The following PACS1 variants were observed in gnomAD, a reference collection of about 807,000 sequenced individuals.
The protein encoded by PACS1 is PACS-1.
PACS1 carries 24 observed loss-of-function variants against 115.0 expected under a neutral mutation model. The observed-to-expected ratio is 0.21, with a 90% confidence interval of 0.15 to 0.29. The LOEUF (loss-of-function observed/expected upper bound fraction) is 0.29. Ranked by LOEUF, PACS1 falls within the 10% of genes least tolerant of loss-of-function variation. The pLI is 1.00. For missense variants in PACS1, 838 were observed against 1,251.2 expected (o/e 0.67, Z 4.98); for synonymous variants, 453 against 504.5 (o/e 0.90, Z 1.37).
chr11:66,075,681 T>C (rs578242717), intron 1 of PACS1, among the ~76,000 whole-genome samples: 1 of 152,230 alleles, frequency 6.6e-6, no homozygotes, highest in East Asian at 1.9e-4. Context: ...GTAAATGTAA[T>C]TGATCAAATA....
intron 1 of PACS1, among the ~76,000 whole-genome samples, chr11:66,129,455 A>ATATTATTATTATTATTAT (rs71455707): frequency 1.4e-5 from 2 of 140,394 alleles, no homozygotes; most frequent in East Asian, 2.0e-4. Flanking sequence ...GGTTTAAAAA[A>ATATTATTATTATTATTAT]TATTATTATT....
At chr11:66,168,775 T>G (rs192007872) in intron 1 of PACS1, among the ~76,000 whole-genome samples, 47 of 150,330 alleles carry the variant, frequency 3.1e-4, no homozygotes, top group Non-Finnish European at 6.2e-4. Flanking sequence ...TGTGTGTGTG[T>G]GTGTATACAT....
At chr11:66,096,502 A>ATT (rs200631152) in intron 1 of PACS1, among the ~76,000 whole-genome samples, 9 of 136,900 alleles carry the variant, frequency 6.6e-5, no homozygotes, top group African/African-American at 1.4e-4. Context: ...GTTGCTATGA[A>ATT]TTTTTTTTTT....
chr11:66,230,760 G>A, intron 12 of PACS1, 45 bp from the exon 13 acceptor site: 1 of 1,613,680 alleles, frequency 6.2e-7, no homozygotes, highest in Non-Finnish European at 8.5e-7. Flanking sequence ...GCAGCTTTGG[G>A]GTTGGAGGGG....
At chr11:66,087,242 T>TG (rs1376369212) in intron 1 of PACS1, among the ~76,000 whole-genome samples, 4 of 151,194 alleles carry the variant, frequency 2.6e-5, no homozygotes, top group African/African-American at 7.3e-5. Flanking sequence ...TTGTTTTTTT[T>TG]TTTTGTTTTT....
chr11:66,153,677 G>C (rs1202771472), intron 1 of PACS1, among the ~76,000 whole-genome samples: 1 of 151,976 alleles, frequency 6.6e-6, no homozygotes, highest in Non-Finnish European at 1.5e-5. Flanking sequence ...GCTACTCTGG[G>C]GGCTGAGGCA....
chr11:66,131,271 A>G (rs1858696895), intron 1 of PACS1, among the ~76,000 whole-genome samples: 6 of 152,138 alleles, frequency 3.9e-5, no homozygotes, highest in Admixed American at 3.9e-4. Context: ...TTAGTATTTG[A>G]CTTTAAAACT....
intron 1 of PACS1, among the ~76,000 whole-genome samples, chr11:66,115,779 T>C (rs1254047063): frequency 6.6e-6 from 1 of 152,178 alleles, no homozygotes; most frequent in Non-Finnish European, 1.5e-5. Flanking sequence ...AACCTCACCT[T>C]CCCTCCTCCC....
chr11:66,078,440 A>G (rs1470699766), intron 1 of PACS1, among the ~76,000 whole-genome samples: 1 of 152,134 alleles, frequency 6.6e-6, no homozygotes, highest in East Asian at 1.9e-4. Flanking sequence ...TTCTTTCTAA[A>G]CTAGTTTTCC....
At chr11:66,211,109 C>G in intron 3 of PACS1, 25 bp from the exon 4 acceptor site, 2 of 1,612,212 alleles carry the variant, frequency 1.2e-6, no homozygotes, top group Non-Finnish European at 8.5e-7. Context: ...ATTAACCACG[C>G]TCGACTCTGT....
chr11:66,091,009 C>T (rs1363607111), intron 1 of PACS1, among the ~76,000 whole-genome samples: 1 of 152,062 alleles, frequency 6.6e-6, no homozygotes, highest in East Asian at 1.9e-4. Context: ...ATTTCTCCAC[C>T]CCAGTAAATC....
Position 66,216,426 on chromosome 11 carries a change from T to C in PACS1, c.806-94T>C, listed in dbSNP as rs571364897. ...CCCTCCCCTCCACCCTGGCTGTGTT[T>C]CCACCCAAAGAGAACCATTGATTCC... On this transcript the variant is annotated intron_variant, in intron 5 of 23. Transcript: ENST00000320580. 5.6e-4 allele frequency: 810 copies of C among 1,434,820 alleles called. 1 individual carries two copies. Among genetic ancestry groups the C allele is most frequent in the Admixed American group, 8.6e-4 (50 of 58,336 alleles). The allele number at this position is 1,434,820 out of a possible 1,614,324, so 88.9% of individuals were successfully genotyped here.
chr11:66,188,159 A>ATTTTTTTTTTTTTTTTTT (rs71461607), intron 1 of PACS1, among the ~76,000 whole-genome samples: 1 of 94,890 alleles, frequency 1.1e-5, no homozygotes, highest in African/African-American at 3.9e-5. Flanking sequence ...TTTTAATCGG[A>ATTTTTTTTTTTTTTTTTT]TTTTTTTTTT....
rs1486450241 is a variant in PACS1 at position 66,115,919 on chromosome 11, C to A, written c.356+45077C>A. Among the ~76,000 whole-genome samples the A allele has an allele frequency of 1.3e-5, 2 of 152,186 alleles. 1 individual carries two copies. Among genetic ancestry groups the A allele is most frequent in the Middle Eastern group, 6.3e-3 (2 of 316 alleles). ...AGTTATCTTGACTTTAAGCTTTCTTCCTCTTAGACAAATAATATAGGCAGC... is the reference window on the plus strand; with the variant it reads ...AGTTATCTTGACTTTAAGCTTTCTTACTCTTAGACAAATAATATAGGCAGC... On this transcript the variant is annotated intron_variant, in intron 1 of 23. Transcript: ENST00000320580.
intron 1 of PACS1, among the ~76,000 whole-genome samples, chr11:66,188,053 C>G (rs1439478156): frequency 6.6e-6 from 1 of 151,810 alleles, no homozygotes; most frequent in Non-Finnish European, 1.5e-5. Flanking sequence ...TTGCGTTTCC[C>G]TGATGATTAG....
chr11:66,170,631 T>G (rs1038336136), intron 1 of PACS1, among the ~76,000 whole-genome samples: 2 of 150,020 alleles, frequency 1.3e-5, no homozygotes, highest in African/African-American at 5.1e-5. Flanking sequence ...TATTACTGAT[T>G]CTTTGAAATT....
chr11:66,208,121 G>A (rs1854985421), intron 2 of PACS1, among the ~76,000 whole-genome samples: 1 of 152,050 alleles, frequency 6.6e-6, no homozygotes, highest in African/African-American at 2.4e-5. Flanking sequence ...AGGCAGCATC[G>A]CTATATAATG....
At position 66,216,156 on chromosome 11, in the gene PACS1, G is replaced by T. The variant is rs201067492; in HGVS notation, c.698G>T (p.Gly233Val). 1 of 1,613,806 alleles carries T rather than the reference G, an allele frequency of 6.2e-7. No homozygotes were observed. Among genetic ancestry groups the T allele is most frequent in the African/African-American group, 1.3e-5 (1 of 74,874 alleles). ...QHPNEGALVLGLHSNVKDVSV... is the reference protein window; with the variant it reads ...QHPNEGALVLVLHSNVKDVSV... ...CCTAATGAAGGCGCACTGGTGCTTG[G>T]CCTACACAGCAACGTGAAGGATGTC... is the stretch of plus-strand genomic sequence containing the variant. Residue 233 changes from glycine (G) to valine (V), a missense_variant, in exon 5 of 24, where the codon GGC (glycine) becomes GTC (valine). Coordinates refer to ENST00000320580, the MANE Select transcript of PACS1 (RefSeq NM_018026.4).
intron 11 of PACS1, among the ~76,000 whole-genome samples, chr11:66,229,395 A>C (rs1590835677): frequency 6.6e-6 from 1 of 151,728 alleles, no homozygotes. Flanking sequence ...TCTAAAAAAA[A>C]TTTAAAAGGA....
Sources: allele counts gnomAD v4.1 joint callset (sites outside exome capture counted in the v4.1 genomes callset), GRCh38; gene constraint gnomAD v4.1.1; transcripts MANE v1.5; gene names NCBI Gene and HGNC (gene_info 2026-07-23, HGNC 2026-07-21).